Variants in NBEA observed in about 807,000 individuals in gnomAD.
NBEA encodes neurobeachin, also known as lysosomal-trafficking regulator 2.
A neutral mutation model predicts 343.4 loss-of-function variants in NBEA; 44 were observed. The observed-to-expected ratio is 0.13, with a 90% CI of 0.10 to 0.16. NBEA has a LOEUF of 0.16. NBEA is among the 10% of genes least tolerant of loss of function. The probability of loss-of-function intolerance (pLI) is 1.00; values close to 1 mark genes in which losing one functional copy is unlikely to be tolerated. For synonymous variants in NBEA, 1,175 were observed against 1,238.7 expected (o/e 0.95, Z 1.08); for missense variants, 2,555 against 3,631.3 (o/e 0.70, Z 7.62).
At chr13:35,224,064 A>G (rs978936199) in intron 33 of NBEA, among the ~76,000 whole-genome samples, 1 of 152,128 alleles carries the variant, frequency 6.6e-6, no homozygotes. Context: ...CATTAGTAAT[A>G]ATGCATCCAG....
intron 36 of NBEA, among the ~76,000 whole-genome samples, chr13:35,323,107 C>T (rs1309460566): frequency 1.3e-5 from 2 of 152,176 alleles, no homozygotes; most frequent in African/African-American, 4.8e-5. Flanking sequence ...GCCTCAGCCT[C>T]CCAAAGTGCT....
chr13:35,486,326 C>T (rs945585499), intron 41 of NBEA, among the ~76,000 whole-genome samples: 11 of 151,930 alleles, frequency 7.2e-5, no homozygotes, highest in Admixed American at 2.0e-4. Flanking sequence ...CACCATTAAC[C>T]ATAATGTAAT....
At chr13:35,436,836 A>C (rs553027333) in intron 39 of NBEA, among the ~76,000 whole-genome samples, 1 of 152,360 alleles carries the variant, frequency 6.6e-6, no homozygotes, top group East Asian at 1.9e-4. Flanking sequence ...TTAGGTACAA[A>C]AGAACATTTT....
chr13:35,394,770 A>G (rs2042665763), intron 38 of NBEA, among the ~76,000 whole-genome samples: 1 of 151,144 alleles, frequency 6.6e-6, no homozygotes, highest in South Asian at 2.1e-4. Flanking sequence ...CATCCTTATT[A>G]TTTTCTTTTT....
At chr13:35,326,127 T>C (rs2038541778) in intron 36 of NBEA, among the ~76,000 whole-genome samples, 1 of 152,140 alleles carries the variant, frequency 6.6e-6, no homozygotes, top group Non-Finnish European at 1.5e-5. Flanking sequence ...GCTTTGGCTG[T>C]TCAGGCTCTC....
chr13:35,325,225 T>C (rs1217612597), intron 36 of NBEA, among the ~76,000 whole-genome samples: 4 of 152,090 alleles, frequency 2.6e-5, no homozygotes, highest in Non-Finnish European at 5.9e-5. Flanking sequence ...TCCGTATTCA[T>C]AGACCAGTAT....
intron 36 of NBEA, among the ~76,000 whole-genome samples, chr13:35,311,307 T>C (rs1187503666): frequency 1.3e-5 from 2 of 151,432 alleles, no homozygotes; most frequent in Non-Finnish European, 2.9e-5. Flanking sequence ...TTGTTTCAAC[T>C]GCGAAGTAAA....
intron 34 of NBEA, among the ~76,000 whole-genome samples, chr13:35,270,119 T>C (rs999562173): frequency 6.6e-6 from 1 of 152,190 alleles, no homozygotes; most frequent in African/African-American, 2.4e-5. Flanking sequence ...AAATAGAAAT[T>C]AAGTAGCCCC....
At chr13:35,110,764 A>C (rs779335663) in intron 12 of NBEA, 46 bp from the exon 13 acceptor site, 3 of 1,497,322 alleles carry the variant, frequency 2.0e-6, no homozygotes, top group Non-Finnish European at 2.8e-6. Context: ...TGAGCACTTG[A>C]GGCATTTTAA....
At chr13:35,185,435 C>T (rs1345116774) in intron 30 of NBEA, 1 of 152,038 alleles carries the variant, frequency 6.6e-6, no homozygotes, top group Non-Finnish European at 1.5e-5. Flanking sequence ...AAATGTGCAA[C>T]CTTTGAACAG....
At chr13:35,641,945 T>G (rs945951342) in intron 49 of NBEA, among the ~76,000 whole-genome samples, 1 of 152,210 alleles carries the variant, frequency 6.6e-6, no homozygotes, top group African/African-American at 2.4e-5. Flanking sequence ...TAAAAGTGAA[T>G]GCACATAATA....
chr13:35,277,761 A>C (rs2034725865), intron 34 of NBEA, among the ~76,000 whole-genome samples: 1 of 151,940 alleles, frequency 6.6e-6, no homozygotes, highest in South Asian at 2.1e-4. Flanking sequence ...GTCATTCTTG[A>C]AAAAAATTTG....
At chr13:35,401,792 A>T (rs984335743) in intron 38 of NBEA, among the ~76,000 whole-genome samples, 1 of 152,026 alleles carries the variant, frequency 6.6e-6, no homozygotes, top group African/African-American at 2.4e-5. Flanking sequence ...TTAGAAAAAA[A>T]CTTCCATTAA....
chr13:35,429,113 G>T (rs1275433349), intron 38 of NBEA, among the ~76,000 whole-genome samples: 1 of 152,200 alleles, frequency 6.6e-6, no homozygotes. Context: ...GGGGAGGGAT[G>T]CCCCATTACT....
At chr13:35,187,475 A>G (rs1215901251) in intron 30 of NBEA, among the ~76,000 whole-genome samples, 1 of 149,940 alleles carries the variant, frequency 6.7e-6, no homozygotes, top group African/African-American at 2.4e-5. Flanking sequence ...TTTTAATATA[A>G]TAAATATTTT....
chr13:35,062,151 T>A (rs559813036), intron 8 of NBEA, among the ~76,000 whole-genome samples: 1 of 151,802 alleles, frequency 6.6e-6, no homozygotes, highest in East Asian at 1.9e-4. Flanking sequence ...AATTTACTTA[T>A]AATGAATTAA....
intron 55 of NBEA, among the ~76,000 whole-genome samples, chr13:35,656,359 G>A (rs1302525064): frequency 1.3e-5 from 2 of 152,154 alleles, no homozygotes; most frequent in Non-Finnish European, 2.9e-5. Context: ...GGACTCCTTC[G>A]TGAAATAATT....
chr13:35,376,384 G>A (rs921134653), intron 38 of NBEA, among the ~76,000 whole-genome samples: 6 of 148,526 alleles, frequency 4.0e-5, no homozygotes, highest in Admixed American at 3.3e-4. Context: ...TTAAGGGTCT[G>A]TAAATGTTTT....
chr13:35,484,854 G>T (rs2076256154), intron 41 of NBEA, among the ~76,000 whole-genome samples: 1 of 152,018 alleles, frequency 6.6e-6, no homozygotes, highest in Admixed American at 6.6e-5. Context: ...TATTGATTAT[G>T]TTTCCAAGCA....
Sources: gnomAD v4.1 joint callset for allele counts (sites outside exome capture counted in the v4.1 genomes callset) on GRCh38, gnomAD v4.1.1 for gene constraint, MANE v1.5 for transcripts, NCBI Gene and HGNC (gene_info 2026-07-23, HGNC 2026-07-21) for gene names.